Variants in PTPRT observed in about 807,000 individuals in gnomAD.
PTPRT encodes the protein protein tyrosine phosphatase receptor type T, also known as receptor-type tyrosine-protein phosphatase T.
In PTPRT, 56 loss-of-function variants were observed where a neutral mutation model predicts 176.8. That is an observed-to-expected ratio of 0.32 (90% CI 0.26 to 0.40). The LOEUF is 0.40. PTPRT is among the 10% of genes least tolerant of loss of function. The probability of loss-of-function intolerance (pLI) is 1.00; values close to 1 mark genes in which losing one functional copy is unlikely to be tolerated. For missense variants in PTPRT, 1,540 were observed against 1,908.2 expected (o/e 0.81, Z 3.60); for synonymous variants, 783 against 739.0 (o/e 1.06, Z -0.96).
intron 1 of PTPRT, among the ~76,000 whole-genome samples, chr20:42,916,878 T>C (rs1978798997): frequency 6.6e-6 from 1 of 152,152 alleles, no homozygotes; most frequent in Admixed American, 6.5e-5. Flanking sequence ...GTCAGATGAG[T>C]AGGTTGCAAA....
At chr20:42,450,527 A>G (rs1330036281) in intron 8 of PTPRT, among the ~76,000 whole-genome samples, 1 of 152,138 alleles carries the variant, frequency 6.6e-6, no homozygotes, top group Non-Finnish European at 1.5e-5. Flanking sequence ...ATTTTCCTGT[A>G]TGGCTCTTCA....
In PTPRT at chr20:42,577,852, TG is replaced by T. The variant is rs2073289747; in HGVS notation, c.1153+100013del. ...CTGAGCAAGGCTGTGTGTGTGTGTG[TG>T]TGTGTGTGTGTGTGTACAGGCATAC... On this transcript the variant is annotated intron_variant, in intron 7 of 30. Transcript: ENST00000373187. 1.9e-4 allele frequency among the ~76,000 whole-genome samples: 28 copies of T among 151,270 alleles called. No individual in the cohort carries two copies. In the South Asian group the frequency reaches 6.0e-3, roughly 32 times the overall value.
At chr20:42,782,048 T>G (rs1318932589) in intron 3 of PTPRT, among the ~76,000 whole-genome samples, 1 of 152,232 alleles carries the variant, frequency 6.6e-6, no homozygotes, top group Non-Finnish European at 1.5e-5. Context: ...ACATGGTACA[T>G]TCTCAAGAAA....
At chr20:42,115,158 C>T (rs367641497) in intron 22 of PTPRT, 41 bp downstream of exon 22, 21 of 1,451,862 alleles carry the variant, frequency 1.4e-5, no homozygotes, top group Non-Finnish European at 1.8e-5. Flanking sequence ...CAAGCTGGCT[C>T]TCATGGTGGA....
intron 2 of PTPRT, among the ~76,000 whole-genome samples, chr20:42,861,932 A>G (rs208270): frequency 0.35 from 52,762 of 151,978 alleles, 10,760 homozygotes; most frequent in African/African-American, 0.58. Flanking sequence ...GGATGTGAAT[A>G]AAGAGATAGG....
At chr20:42,126,207 G>A (rs1001302794) in intron 19 of PTPRT, among the ~76,000 whole-genome samples, 5 of 152,132 alleles carry the variant, frequency 3.3e-5, no homozygotes. Flanking sequence ...TTGTTAAGAA[G>A]TTTTGATAAG....
chr20:42,614,203 G>A (rs115629278), intron 7 of PTPRT, among the ~76,000 whole-genome samples: 1 of 152,120 alleles, frequency 6.6e-6, no homozygotes, highest in African/African-American at 2.4e-5. Context: ...ATTTCACATA[G>A]CATTCTCCCC....
At chr20:42,546,718 G>A (rs1048140399) in intron 7 of PTPRT, among the ~76,000 whole-genome samples, 3 of 152,040 alleles carry the variant, frequency 2.0e-5, no homozygotes, top group African/African-American at 7.2e-5. Flanking sequence ...GCCATCGTAG[G>A]GTAATTAATT....
At chr20:42,595,612 C>T (rs149668730) in intron 7 of PTPRT, among the ~76,000 whole-genome samples, 192 of 152,216 alleles carry the variant, frequency 1.3e-3, no homozygotes, top group African/African-American at 4.2e-3. Flanking sequence ...ATAAGCCCAC[C>T]GACTGGAGAC....
Position 42,186,831 on chromosome 20 carries a change from T to C in PTPRT, c.2491+12409A>G, listed in dbSNP as rs182406224. 1.9e-3 allele frequency among the ~76,000 whole-genome samples: 282 copies of C among 151,916 alleles called. 2 individuals carry two copies. The highest frequency in any genetic ancestry group is 6.3e-3 in the African/African-American group (263 of 41,448). The stretch of plus-strand genomic sequence containing the variant: ...ATGATGACTTGGACAAGGATGGAGG[T>C]AGTGGATATAGAGGAAAATAGATGG... On this transcript the variant is annotated intron_variant, in intron 16 of 30. Transcript: ENST00000373187.
chr20:42,739,285 G>A (rs2076574915), intron 6 of PTPRT, among the ~76,000 whole-genome samples: 1 of 67,068 alleles, frequency 1.5e-5, no homozygotes, highest in Non-Finnish European at 3.1e-5. Context: ...AAATGAAAGG[G>A]AGAGATAAAA....
At chr20:42,865,615 G>A (rs1244194191) in intron 2 of PTPRT, among the ~76,000 whole-genome samples, 1 of 152,152 alleles carries the variant, frequency 6.6e-6, no homozygotes, top group Non-Finnish European at 1.5e-5. Flanking sequence ...TGCCTGACCT[G>A]GGACAGGGGC....
intron 2 of PTPRT, among the ~76,000 whole-genome samples, chr20:42,856,889 G>A (rs1395734396): frequency 6.6e-6 from 1 of 152,158 alleles, no homozygotes; most frequent in African/African-American, 2.4e-5. Flanking sequence ...GGAGAAAAAA[G>A]GGAGAGAAAA....
chr20:42,407,540 A>G (rs1467171222), intron 9 of PTPRT, among the ~76,000 whole-genome samples: 1 of 152,192 alleles, frequency 6.6e-6, no homozygotes, highest in Non-Finnish European at 1.5e-5. Context: ...GACTTTTGAA[A>G]AAAACTTCAG....
intron 7 of PTPRT, among the ~76,000 whole-genome samples, chr20:42,475,738 C>A (rs538266506): frequency 1.3e-5 from 2 of 152,314 alleles, no homozygotes; most frequent in Non-Finnish European, 2.9e-5. Context: ...GCCTTTTGAT[C>A]CCTGGTCTCC....
At chr20:42,744,005 G>A (rs923930481) in intron 6 of PTPRT, among the ~76,000 whole-genome samples, 2 of 152,158 alleles carry the variant, frequency 1.3e-5, no homozygotes, top group Admixed American at 6.5e-5. Flanking sequence ...CTGGGTTGCC[G>A]GTAGGTGGAC....
intron 15 of PTPRT, among the ~76,000 whole-genome samples, chr20:42,207,234 C>T (rs977738493): frequency 9.2e-5 from 14 of 152,168 alleles, no homozygotes; most frequent in African/African-American, 1.9e-4. Context: ...ACGCAGAGCG[C>T]CTCTCCTCCT....
At chr20:42,116,996 C>G (rs60341055) in intron 21 of PTPRT, among the ~76,000 whole-genome samples, 2 of 152,284 alleles carry the variant, frequency 1.3e-5, no homozygotes, top group East Asian at 1.9e-4. Context: ...CCCTGGGGAA[C>G]AGTCTGAGTG....
intron 2 of PTPRT, among the ~76,000 whole-genome samples, chr20:42,837,134 C>T (rs562954634): frequency 5.9e-5 from 9 of 152,318 alleles, no homozygotes; most frequent in Admixed American, 5.2e-4. Flanking sequence ...GGGACGTGGG[C>T]GTCCCACAGT....
Sources: allele counts gnomAD v4.1 joint callset (sites outside exome capture counted in the v4.1 genomes callset), GRCh38; gene constraint gnomAD v4.1.1; transcripts MANE v1.5; gene names NCBI Gene and HGNC (gene_info 2026-07-23, HGNC 2026-07-21).